Variants in FAM120C observed in about 807,000 individuals in gnomAD.
The protein encoded by FAM120C is family with sequence similarity 120 member C.
In FAM120C, 14 loss-of-function variants were observed where a neutral mutation model predicts 71.2. The ratio of observed to expected loss-of-function variants is 0.20; its 90% CI spans 0.13 to 0.31. The LOEUF (loss-of-function observed/expected upper bound fraction) is 0.31. Among genes scored for constraint, FAM120C ranks in the 10% least tolerant of loss-of-function variants. The pLI is 1.00. For synonymous variants in FAM120C, 354 were observed against 353.2 expected (o/e 1.00, Z -0.03); for missense variants, 500 against 879.0 (o/e 0.57, Z 5.45).
intron 4 of FAM120C, among the ~76,000 whole-genome samples, chrX:54,143,500 C>T (rs1242400583): frequency 1.8e-5 from 2 of 112,894 alleles, no homozygotes; most frequent in Admixed American, 9.4e-5. Flanking sequence ...ACTGATCCCA[C>T]AGAAATGCAA....
chrX:54,153,718 C>T (rs2067195135), intron 3 of FAM120C, among the ~76,000 whole-genome samples: 1 of 110,419 alleles, frequency 9.1e-6, no homozygotes, highest in Non-Finnish European at 1.9e-5. Flanking sequence ...TAGGTGAGCA[C>T]CACCATGCCC....
chrX:54,116,432 A>T, intron 10 of FAM120C, 113 bp downstream of exon 10: 1 of 895,706 alleles, frequency 1.1e-6, no homozygotes, highest in Non-Finnish European at 1.5e-6. Flanking sequence ...CGCATAAGCC[A>T]AACATAAAAT....
chrX:54,156,170 C>A (rs1305005134), intron 3 of FAM120C, among the ~76,000 whole-genome samples: 2 of 109,671 alleles, frequency 1.8e-5, no homozygotes, highest in African/African-American at 6.6e-5. Flanking sequence ...TGAGAGTGAG[C>A]AAATGAGGAG....
At chrX:54,153,703 G>A (rs2067194944) in intron 3 of FAM120C, among the ~76,000 whole-genome samples, 1 of 109,974 alleles carries the variant, frequency 9.1e-6, no homozygotes, top group Non-Finnish European at 1.9e-5. Context: ...GAGTAGCTGG[G>A]ATTATAGGTG....
chrX:54,081,778 A>G (rs1363661952), intron 13 of FAM120C, among the ~76,000 whole-genome samples: 1 of 106,573 alleles, frequency 9.4e-6, no homozygotes, highest in Non-Finnish European at 1.9e-5. Context: ...TGTCTTGAAA[A>G]AAAAAAAAAA....
chrX:54,147,003 T>C (rs1305841170), intron 4 of FAM120C, among the ~76,000 whole-genome samples: 1 of 108,830 alleles, frequency 9.2e-6, no homozygotes, highest in African/African-American at 3.3e-5. Context: ...AAATGTGAAG[T>C]GCAGAACTAT....
chrX:54,103,410 C>T (rs1459857907), intron 10 of FAM120C, among the ~76,000 whole-genome samples: 1 of 111,709 alleles, frequency 9.0e-6, no homozygotes, highest in African/African-American at 3.2e-5. Flanking sequence ...AATCCCTTTC[C>T]TATCTCAAGG....
intron 4 of FAM120C, among the ~76,000 whole-genome samples, chrX:54,144,420 C>A (rs1336061892): frequency 2.2e-5 from 2 of 92,696 alleles, no homozygotes; most frequent in African/African-American, 8.1e-5. Flanking sequence ...AAAACCCCAT[C>A]GTCTCAGCCC....
chrX:54,118,702 T>C (rs1462703358), intron 9 of FAM120C, among the ~76,000 whole-genome samples: 5 of 81,953 alleles, frequency 6.1e-5, no homozygotes, highest in Non-Finnish European at 1.2e-4. Context: ...TTTTTTTCTT[T>C]TTTTTTTTTT....
chrX:54,143,571 A>G (rs1405230189), intron 4 of FAM120C, among the ~76,000 whole-genome samples: 1 of 112,619 alleles, frequency 8.9e-6, no homozygotes, highest in African/African-American at 3.2e-5. Context: ...TCTAGAAGAA[A>G]TGGATAAATT....
intron 12 of FAM120C, among the ~76,000 whole-genome samples, chrX:54,087,406 C>G (rs782364343): frequency 9.1e-6 from 1 of 109,693 alleles, no homozygotes; most frequent in Non-Finnish European, 1.9e-5. Context: ...AAAAAAATTG[C>G]TTGCAAAAGA....
chrX:54,149,097 G>A (rs1479942091), intron 4 of FAM120C, among the ~76,000 whole-genome samples: 19 of 111,867 alleles, frequency 1.7e-4, no homozygotes, highest in African/African-American at 5.8e-4. Context: ...ATTTACACCA[G>A]GGAAATAAAA....
chrX:54,116,494 T>TA lies in FAM120C; in HGVS notation c.2312+50dup, dbSNP rs1219348658. 5 of 1,149,194 alleles carry TA rather than the reference T, an allele frequency of 4.4e-6. No homozygotes were observed. The African/African-American group carries it at 9.1e-5, about 21-fold the overall frequency. The allele number at this position is 1,149,194 out of a possible 1,213,427, so 94.7% of individuals were successfully genotyped here. A position where few individuals can be genotyped will look rare whatever the true frequency, so the allele number is the denominator to read the frequency against. Reference sequence around the variant, plus strand: ...TAAAAGCAGGTGCTTAAAGGAAATATAAAAAAAGTAAAAGAGAAAGAACAG... The same window carrying TA: ...TAAAAGCAGGTGCTTAAAGGAAATATAAAAAAAAGTAAAAGAGAAAGAACAG... On this transcript the variant is annotated intron_variant, in intron 10 of 15. Transcript: ENST00000375180.
chrX:54,071,989 T>C lies in FAM120C; in HGVS notation c.*1044A>G, dbSNP rs2066711420. On this transcript the variant is annotated 3_prime_UTR_variant, in exon 16 of 16. Coordinates refer to ENST00000375180, the MANE Select transcript of FAM120C (RefSeq NM_017848.6). Reference sequence around the variant, plus strand: ...GTATGTGTGTATATATGTGTGTATATATATATACACACATATATACACACA... The same window carrying C: ...GTATGTGTGTATATATGTGTGTATACATATATACACACATATATACACACA... 9.6e-6 allele frequency: 1 copy of C among 104,200 alleles called. No individual in the cohort carries two copies. The highest frequency in any genetic ancestry group is 3.5e-5 in the African/African-American group (1 of 28,646). The allele number at this position is 104,200 out of a possible 1,213,427, so 8.6% of individuals were successfully genotyped here. A position where few individuals can be genotyped will look rare whatever the true frequency, so the allele number is the denominator to read the frequency against.
chrX:54,153,908 C>T (rs1461022149), intron 3 of FAM120C, among the ~76,000 whole-genome samples: 5 of 108,070 alleles, frequency 4.6e-5, no homozygotes, highest in Non-Finnish European at 9.6e-5. Context: ...ACCATGTTGG[C>T]CAGGCTGGTC....
chrX:54,128,702 T>G (rs1569532598), intron 9 of FAM120C, among the ~76,000 whole-genome samples: 1 of 111,979 alleles, frequency 8.9e-6, no homozygotes, highest in Non-Finnish European at 1.9e-5. Context: ...TTCAAGCATC[T>G]GTTTAACAAA....
intron 10 of FAM120C, among the ~76,000 whole-genome samples, chrX:54,095,678 T>TG (rs1338192138): frequency 9.1e-6 from 1 of 110,075 alleles, no homozygotes; most frequent in Non-Finnish European, 1.9e-5. Context: ...TTTTTTGAGA[T>TG]GGAGTTTCAC....
chrX:54,135,256 G>A (rs1035914211), intron 6 of FAM120C, 145 bp from the exon 7 acceptor site: 1 of 602,393 alleles, frequency 1.7e-6, no homozygotes, highest in Non-Finnish European at 2.5e-6. Flanking sequence ...GAGAAATGAT[G>A]TATGAACAGA....
At chrX:54,124,900 T>C (rs1557127731) in intron 9 of FAM120C, among the ~76,000 whole-genome samples, 1 of 112,642 alleles carries the variant, frequency 8.9e-6, no homozygotes, top group African/African-American at 3.2e-5. Flanking sequence ...TGTTCAGTTT[T>C]GAGAGTTCTT....
Sources: gnomAD v4.1 joint callset for allele counts (sites outside exome capture counted in the v4.1 genomes callset) on GRCh38, gnomAD v4.1.1 for gene constraint, MANE v1.5 for transcripts, NCBI Gene and HGNC (gene_info 2026-07-23, HGNC 2026-07-21) for gene names.